The following JARID2 variants were observed in gnomAD, a reference collection of about 807,000 sequenced individuals.
The protein encoded by JARID2 is protein Jumonji.
Under a neutral mutation model 125.6 loss-of-function variants are expected in JARID2, and 21 were observed. The ratio of observed to expected loss-of-function variants is 0.17; its 90% CI spans 0.12 to 0.24. The LOEUF is 0.24. Ranked by LOEUF, JARID2 falls within the 10% of genes least tolerant of loss-of-function variation. The probability of loss-of-function intolerance (pLI) is 1.00; values close to 1 mark genes in which losing one functional copy is unlikely to be tolerated. For missense variants in JARID2, 1,303 were observed against 1,639.6 expected, an observed-to-expected ratio of 0.79 and a Z score of 3.55; for synonymous variants, 736 against 661.6, an observed-to-expected ratio of 1.11 and a Z score of -1.73.
Position 15,494,413 on chromosome 6 carries a change from C to CTTTTTTTTTTTTTTTTTTT in JARID2, c.907-1717_907-1699dup, listed in dbSNP as rs60218567. ...ACTGGTTTGGATGTTTTTGGCAAGT[C>CTTTTTTTTTTTTTTTTTTT]TTTTTTTTTTTTTTTTTTTTGAGAC... On this transcript the variant is annotated intron_variant, in intron 6 of 17. Coordinates refer to ENST00000341776, the MANE Select transcript of JARID2 (RefSeq NM_004973.4). Among the ~76,000 whole-genome samples the CTTTTTTTTTTTTTTTTTTT allele has an allele frequency of 5.0e-5, 4 of 80,596 alleles. 1 individual carries two copies. The highest frequency in any genetic ancestry group is 6.5e-5 in the Non-Finnish European group (3 of 45,850). 52.9% of individuals were successfully genotyped at this position (80,596 alleles called of 152,430 possible).
Position 15,512,404 on chromosome 6 carries a change from G to A in JARID2, c.3135+14G>A. The A allele has an allele frequency of 6.2e-7, 1 of 1,611,270 alleles. No homozygotes were observed. Among genetic ancestry groups the A allele is most frequent in the Non-Finnish European group, 8.5e-7 (1 of 1,177,636 alleles). On this transcript the variant is annotated intron_variant, in intron 14 of 17. Transcript: ENST00000341776. Reference sequence around the variant, plus strand: ...GAGACCGCCAAGGTGAGCAGAGCCGGCCTCCTCCCGCTTGCTGCCCCCGCA... The same window carrying A: ...GAGACCGCCAAGGTGAGCAGAGCCGACCTCCTCCCGCTTGCTGCCCCCGCA...
chr6:15,248,442 C>T (rs1290342366), intron 1 of JARID2: 1 of 4,548 alleles, frequency 2.2e-4, no homozygotes, highest in Non-Finnish European at 4.6e-4. Context: ...GGGGTGGGAG[C>T]GGGGGCGGGG....
intron 1 of JARID2, among the ~76,000 whole-genome samples, chr6:15,300,718 T>TGA (rs1369406317): frequency 2.8e-5 from 4 of 140,622 alleles, no homozygotes; most frequent in African/African-American, 8.2e-5. Flanking sequence ...TGTGTGTGTG[T>TGA]GTGTGAGAGA....
intron 3 of JARID2, among the ~76,000 whole-genome samples, chr6:15,421,887 T>C (rs763057827): frequency 1.3e-5 from 2 of 152,248 alleles, no homozygotes; most frequent in African/African-American, 4.8e-5. Flanking sequence ...ACAACTGTGC[T>C]GAGGGGCACC....
rs781172302 is a variant in JARID2, at chr6:15,496,381, A to T, written c.1156A>T (p.Thr386Ser). The change falls in exon 7 of 18, where the codon ACC becomes TCC. Residue 386 changes from threonine (T) to serine (S), a missense_variant. By Grantham distance (58) the Thr-to-Ser change is moderately conservative. This residue lies in a region of JARID2 where 651 missense variants were observed against 581.6 expected (regional missense o/e 1.12). Transcript: ENST00000341776. ...SGKTESSNAK[T>S]RKQVLSLGGA... ...GAAAACTGAAAGTAGCAATGCAAAA[A>T]CCCGCAAACAGGTGCTATCCCTCGG... is the stretch of plus-strand genomic sequence containing the variant. 1 of 1,613,892 alleles carries T rather than the reference A, an allele frequency of 6.2e-7. No individual in the cohort carries two copies. The highest frequency in any genetic ancestry group is 1.1e-5 in the South Asian group (1 of 91,052).
chr6:15,305,598 T>A (rs1484089186), intron 1 of JARID2, among the ~76,000 whole-genome samples: 1 of 152,226 alleles, frequency 6.6e-6, no homozygotes, highest in Non-Finnish European at 1.5e-5. Flanking sequence ...GGTTCTGATG[T>A]GTGAGTAAAA....
At chr6:15,451,641 CT>C (rs1199377546) in intron 3 of JARID2, among the ~76,000 whole-genome samples, 1 of 152,158 alleles carries the variant, frequency 6.6e-6, no homozygotes, top group Non-Finnish European at 1.5e-5. Flanking sequence ...GTGTTTTCTT[CT>C]TTACTGTCAG....
chr6:15,399,489 G>A (rs1236052455), intron 2 of JARID2, among the ~76,000 whole-genome samples: 1 of 151,878 alleles, frequency 6.6e-6, no homozygotes. Context: ...CCTTCGTGAT[G>A]TCTGTGTGTG....
intron 3 of JARID2, among the ~76,000 whole-genome samples, chr6:15,428,716 G>T (rs1304394479): frequency 6.6e-6 from 1 of 152,004 alleles, no homozygotes; most frequent in Non-Finnish European, 1.5e-5. Context: ...GACCAGCCTG[G>T]CCAACATGGT....
intron 1 of JARID2, among the ~76,000 whole-genome samples, chr6:15,257,161 G>T (rs1162424066): frequency 6.6e-6 from 1 of 151,998 alleles, no homozygotes; most frequent in African/African-American, 2.4e-5. Flanking sequence ...CTTTTCAGGG[G>T]GATTTTCAGT....
chr6:15,470,268 C>T (rs965086768), intron 5 of JARID2, among the ~76,000 whole-genome samples: 5 of 152,022 alleles, frequency 3.3e-5, no homozygotes, highest in African/African-American at 1.2e-4. Flanking sequence ...CTCCTATCAG[C>T]TACTCCACTA....
intron 4 of JARID2, among the ~76,000 whole-genome samples, chr6:15,465,146 C>T (rs1399468208): frequency 6.6e-6 from 1 of 152,130 alleles, no homozygotes; most frequent in Non-Finnish European, 1.5e-5. Context: ...TTGTTTTCTG[C>T]TTTTGTTAAA....
chr6:15,425,989 G>A (rs1766710050), intron 3 of JARID2, among the ~76,000 whole-genome samples: 1 of 152,184 alleles, frequency 6.6e-6, no homozygotes, highest in Non-Finnish European at 1.5e-5. Flanking sequence ...ATAGCATGAT[G>A]TGAGCTGCCA....
intron 5 of JARID2, among the ~76,000 whole-genome samples, chr6:15,484,168 G>A (rs542933413): frequency 6.0e-5 from 9 of 149,622 alleles, no homozygotes; most frequent in African/African-American, 1.5e-4. Flanking sequence ...ACCATACGTC[G>A]CTAGTGGAAA....
intron 1 of JARID2, among the ~76,000 whole-genome samples, chr6:15,338,772 C>A (rs1762966952): frequency 6.6e-6 from 1 of 152,214 alleles, no homozygotes; most frequent in African/African-American, 2.4e-5. Flanking sequence ...CACTCTTTCC[C>A]TTCCAGCAGA....
At chr6:15,509,087 G>T (rs1241464630) in intron 12 of JARID2, 1 of 1,289,252 alleles carries the variant, frequency 7.8e-7, no homozygotes, top group Admixed American at 2.3e-5. Context: ...CTGTTGCCTG[G>T]CGAGGTGTTC....
intron 1 of JARID2, among the ~76,000 whole-genome samples, chr6:15,275,218 C>G (rs1760450914): frequency 6.6e-6 from 1 of 152,092 alleles, no homozygotes; most frequent in Admixed American, 6.5e-5. Context: ...ACAGTTGGCT[C>G]TTGGGGTCAG....
At chr6:15,385,988 G>A (rs908739346) in intron 2 of JARID2, among the ~76,000 whole-genome samples, 6 of 152,140 alleles carry the variant, frequency 3.9e-5, no homozygotes, top group African/African-American at 1.2e-4. Flanking sequence ...CACATTCATC[G>A]CATCCCTGTT....
intron 6 of JARID2, among the ~76,000 whole-genome samples, chr6:15,488,990 T>A (rs1411294957): frequency 1.3e-5 from 2 of 152,140 alleles, no homozygotes; most frequent in Non-Finnish European, 1.5e-5. Context: ...TGGTCCTGGG[T>A]CTGTGATTCT....
Sources: allele counts gnomAD v4.1 joint callset (sites outside exome capture counted in the v4.1 genomes callset), GRCh38; gene constraint gnomAD v4.1.1; regional missense constraint gnomAD v4.1.1; transcripts MANE v1.5; gene names NCBI Gene and HGNC (gene_info 2026-07-23, HGNC 2026-07-21).